ARMC3: variants seen among roughly 807,000 people sequenced by gnomAD.
ARMC3 encodes armadillo repeat-containing protein 3.
Under a neutral mutation model 90.3 loss-of-function variants are expected in ARMC3, and 74 were observed. The observed-to-expected ratio is 0.82, with a 90% CI of 0.68 to 0.99. The LOEUF is 0.99. Ranked by LOEUF, ARMC3 falls within the 50% of genes least tolerant of loss-of-function variation. ARMC3 has a pLI of 0.00. For missense variants in ARMC3, 958 were observed against 1,042.8 expected (o/e 0.92, Z 1.12); for synonymous variants, 334 against 361.8 (o/e 0.92, Z 0.87).
At chr10:22,972,272 GC>G (rs1407506595) in intron 8 of ARMC3, among the ~76,000 whole-genome samples, 1 of 152,148 alleles carries the variant, frequency 6.6e-6, no homozygotes, top group Non-Finnish European at 1.5e-5. Flanking sequence ...AAATATCAAA[GC>G]TTTTGCCCTA....
chr10:22,965,422 A>G (rs1000454559), intron 7 of ARMC3, among the ~76,000 whole-genome samples: 3 of 152,050 alleles, frequency 2.0e-5, no homozygotes, highest in South Asian at 2.1e-4. Flanking sequence ...GAGCTGAACT[A>G]TTTTCCTGTA....
chr10:23,036,824 C>G (rs1010618877), intron 18 of ARMC3, among the ~76,000 whole-genome samples: 2 of 152,232 alleles, frequency 1.3e-5, no homozygotes, highest in African/African-American at 4.8e-5. Flanking sequence ...ACCCACAGTT[C>G]TGCCTCTCCT....
intron 10 of ARMC3, among the ~76,000 whole-genome samples, chr10:22,997,729 CTTCAAGAAAACTTTCTAAGAATTTTATGG>C (rs1837056958): frequency 6.6e-6 from 1 of 152,120 alleles, no homozygotes; most frequent in South Asian, 2.1e-4. Flanking sequence ...AATATTTTAT[CTTCAAGAAAACTTTCTAAGAATTTTATGG>C]TTCATGTATG....
intron 2 of ARMC3, among the ~76,000 whole-genome samples, chr10:22,933,751 G>A (rs1479295827): frequency 6.6e-6 from 1 of 152,120 alleles, no homozygotes. Flanking sequence ...CGGGGGTGGT[G>A]GCAGGCGCTG....
At chr10:22,965,062 T>G (rs1835389640) in intron 7 of ARMC3, among the ~76,000 whole-genome samples, 1 of 152,188 alleles carries the variant, frequency 6.6e-6, no homozygotes, top group Non-Finnish European at 1.5e-5. Flanking sequence ...AAGAATTATA[T>G]GTTCATATGT....
Position 23,003,219 on chromosome 10 carries a change from A to C in ARMC3, c.1563-27A>C, listed in dbSNP as rs770019948. On this transcript the variant is annotated intron_variant, in intron 12 of 18. Transcript: ENST00000298032. ...AGTATTGGATGGCTTGTATAAAGCA[A>C]ATAATGCTTTTTGCTTTTATTGACA... 3 of 1,601,264 alleles carry C rather than the reference A, an allele frequency of 1.9e-6. No individual in the cohort carries two copies. In the South Asian group the frequency reaches 3.4e-5, roughly 18 times the overall value.
At chr10:23,014,008 A>T (rs1838154448) in intron 16 of ARMC3, 2 of 1,443,134 alleles carry the variant, frequency 1.4e-6, no homozygotes, top group African/African-American at 1.4e-5. Context: ...CCTTTACAGT[A>T]TGTCCAGGGA....
chr10:22,939,921 A>G (rs1834256916), intron 2 of ARMC3, among the ~76,000 whole-genome samples: 1 of 152,214 alleles, frequency 6.6e-6, no homozygotes, highest in South Asian at 2.1e-4. Flanking sequence ...ATGATCAATT[A>G]AGACCCAACC....
In ARMC3 at chr10:22,981,354, CT is replaced by C; in HGVS notation, c.936del (p.His313MetfsTer10). 1 of 1,594,052 alleles carries C rather than the reference CT, an allele frequency of 6.3e-7. No individual in the cohort carries two copies. ...GTGTATGAAAGCTGAAAATAGAAAA[CT>C]TTTTCATGAACAAGAGGTTGAAAAG... Reference protein sequence around the residue: ...KAAYDPENRKLFHEQEVEKCL... With the variant: ...KAAYDPENRKXFHEQEVEKCL... On this transcript the variant is annotated frameshift_variant, in exon 9 of 19. Coordinates refer to ENST00000298032, the MANE Select transcript of ARMC3 (RefSeq NM_173081.5). LOFTEE classifies it high-confidence loss of function.
chr10:23,035,175 C>G (rs1175938458), intron 18 of ARMC3, among the ~76,000 whole-genome samples: 1 of 152,154 alleles, frequency 6.6e-6, no homozygotes, highest in East Asian at 1.9e-4. Context: ...AGAAAAGGCT[C>G]CAATTGTATC....
In ARMC3 at chr10:22,998,386, G is replaced by T; in HGVS notation, c.1414G>T (p.Ala472Ser). The T allele has an allele frequency of 6.2e-7, 1 of 1,614,070 alleles. No individual in the cohort carries two copies. Residue 472 changes from alanine to serine, a missense_variant, in exon 11 of 19, where the codon GCC (alanine) becomes TCC (serine). Ala to Ser is a moderately conservative substitution (Grantham distance 99). Transcript: ENST00000298032. ...AVTATACDVE[A>S]RTELRNSGGL... ...CACCGCAACTGCGTGTGACGTTGAAGCCCGGACTGAGGTGAGAATTTTAAT... is the reference window on the plus strand; with the variant it reads ...CACCGCAACTGCGTGTGACGTTGAATCCCGGACTGAGGTGAGAATTTTAAT...
chr10:23,030,926 G>A lies in ARMC3; in HGVS notation c.2246+130G>A, dbSNP rs1838904805. 6 of 990,996 alleles carry A rather than the reference G, an allele frequency of 6.1e-6. No individual in the cohort carries two copies. In the East Asian group the frequency reaches 1.6e-4, roughly 26 times the overall value. 61.4% of individuals were successfully genotyped at this position (990,996 alleles called of 1,614,324 possible). On this transcript the variant is annotated intron_variant, in intron 17 of 18. Transcript: ENST00000298032. Reference sequence around the variant, plus strand: ...TTTACAGCACTCTGACTCTGACACAGAAACACAATGAATTGGAAAAGTCCT... The same window carrying A: ...TTTACAGCACTCTGACTCTGACACAAAAACACAATGAATTGGAAAAGTCCT...
intron 13 of ARMC3, 73 bp from the exon 14 acceptor site, chr10:23,006,811 A>T: frequency 8.4e-7 from 1 of 1,190,854 alleles, no homozygotes; most frequent in Non-Finnish European, 1.3e-6. Context: ...CTGAGAATAT[A>T]TTCTATCTGT....
intron 13 of ARMC3, 65 bp downstream of exon 13, chr10:23,003,479 C>G: frequency 1.6e-6 from 2 of 1,249,460 alleles, no homozygotes; most frequent in Non-Finnish European, 2.1e-6. Context: ...ATCCTGATGC[C>G]ATTACATTGC....
chr10:23,030,469 T>C (rs1838879287), intron 16 of ARMC3, 127 bp from the exon 17 acceptor site: 1 of 1,447,856 alleles, frequency 6.9e-7, no homozygotes, highest in African/African-American at 1.4e-5. Context: ...TCCACACAGT[T>C]CAATCTCATG....
At chr10:22,978,107 C>T (rs375181290) in intron 8 of ARMC3, among the ~76,000 whole-genome samples, 1 of 152,194 alleles carries the variant, frequency 6.6e-6, no homozygotes, top group Non-Finnish European at 1.5e-5. Context: ...CTGGCCAGAT[C>T]TACCATATCC....
In ARMC3 at chr10:22,955,933, G is replaced by T; in HGVS notation, c.292+1G>T. 1.3e-6 allele frequency: 2 copies of T among 1,595,938 alleles called. No homozygotes were observed. Among genetic ancestry groups the T allele is most frequent in the Non-Finnish European group, 1.7e-6 (2 of 1,164,856 alleles). ...ATATTTGGAATCCTGGCTTCTAATAGTAAGTATCAACTTTTAAAAATAATC... is the reference window on the plus strand; with the variant it reads ...ATATTTGGAATCCTGGCTTCTAATATTAAGTATCAACTTTTAAAAATAATC... On this transcript the variant is annotated splice_donor_variant, in intron 4 of 18. Transcript: ENST00000298032. LOFTEE classifies it high-confidence loss of function.
chr10:23,014,792 G>A (rs1328780784), intron 16 of ARMC3, among the ~76,000 whole-genome samples: 2 of 151,622 alleles, frequency 1.3e-5, no homozygotes, highest in African/African-American at 2.4e-5. Context: ...AACACACACT[G>A]GGGCCTACTG....
chr10:22,961,714 G>T, intron 6 of ARMC3, 170 bp from the exon 7 acceptor site: 1 of 572,132 alleles, frequency 1.7e-6, no homozygotes, highest in East Asian at 3.0e-5. Flanking sequence ...AATAAATTTT[G>T]ATGTTGTCAA....
Sources: allele counts gnomAD v4.1 joint callset (sites outside exome capture counted in the v4.1 genomes callset), GRCh38; gene constraint gnomAD v4.1.1; transcripts MANE v1.5; gene names NCBI Gene and HGNC (gene_info 2026-07-23, HGNC 2026-07-21).